EBF1: variants seen among roughly 807,000 people sequenced by gnomAD.
EBF1 encodes the protein transcription factor COE1.
Under a neutral mutation model 68.4 loss-of-function variants are expected in EBF1, and 10 were observed. That is an observed-to-expected ratio of 0.15 (90% CI 0.09 to 0.25). The LOEUF is 0.25. EBF1 is among the 10% of genes least tolerant of loss of function. The pLI, the probability that EBF1 is intolerant of heterozygous loss-of-function variation, is 1.00. For synonymous variants in EBF1, 298 were observed against 299.8 expected, an observed-to-expected ratio of 0.99 and a Z score of 0.06; for missense variants, 509 against 794.4, an observed-to-expected ratio of 0.64 and a Z score of 4.32.
At chr5:158,710,073 T>C (rs536292750) in intron 14 of EBF1, among the ~76,000 whole-genome samples, 166 of 152,324 alleles carry the variant, frequency 1.1e-3, no homozygotes, top group Non-Finnish European at 1.9e-3. Flanking sequence ...TTTTATTCCA[T>C]TGGAATTTTT....
chr5:159,068,330 A>G (rs559422675), intron 6 of EBF1, among the ~76,000 whole-genome samples: 1 of 152,236 alleles, frequency 6.6e-6, no homozygotes, highest in Non-Finnish European at 1.5e-5. Context: ...CTTGGCAAAT[A>G]CATACCACAC....
At chr5:158,752,387 A>C (rs893339775) in intron 10 of EBF1, among the ~76,000 whole-genome samples, 6 of 151,690 alleles carry the variant, frequency 4.0e-5, no homozygotes, top group African/African-American at 1.4e-4. Flanking sequence ...TCCATTTCTT[A>C]GGAAATCTAT....
At chr5:158,994,587 C>T (rs1027746621) in intron 6 of EBF1, among the ~76,000 whole-genome samples, 4 of 152,212 alleles carry the variant, frequency 2.6e-5, no homozygotes, top group South Asian at 4.1e-4. Context: ...TGGAACTCTA[C>T]GCCTAAGATT....
rs112182200 is a variant in EBF1 at position 158,993,812 on chromosome 5, A to C, written c.554+79584T>G. The stretch of plus-strand genomic sequence containing the variant: ...CCAGCAAAAGCAAAACCAAGGAACA[A>C]ACTTCATCTCAGATCATGGTCAGAC... On this transcript the variant is annotated intron_variant, in intron 6 of 15. Coordinates refer to ENST00000313708, the MANE Select transcript of EBF1 (RefSeq NM_024007.5). Among the ~76,000 whole-genome samples, 1,004 of 152,314 alleles carry C rather than the reference A, an allele frequency of 6.6e-3. 10 individuals are homozygous for C. The highest frequency in any genetic ancestry group is 0.018 in the South Asian group (87 of 4,824).
chr5:158,863,072 C>A (rs1470029256), intron 6 of EBF1, among the ~76,000 whole-genome samples: 1 of 152,184 alleles, frequency 6.6e-6, no homozygotes, highest in Non-Finnish European at 1.5e-5. Flanking sequence ...AAAACCCAGT[C>A]AGCTAAATCT....
intron 6 of EBF1, chr5:158,983,127 AT>A (rs1395807628): frequency 6.6e-6 from 1 of 152,150 alleles, no homozygotes; most frequent in African/African-American, 2.4e-5. Context: ...TTTCAATCAA[AT>A]TACTGTGATG....
chr5:158,905,329 C>T (rs528868780), intron 6 of EBF1, among the ~76,000 whole-genome samples: 5 of 152,060 alleles, frequency 3.3e-5, no homozygotes, highest in East Asian at 1.9e-4. Flanking sequence ...TTTTTTAAGC[C>T]GGAATTGAGG....
chr5:158,870,010 T>C (rs578199090), intron 6 of EBF1, among the ~76,000 whole-genome samples: 1 of 152,300 alleles, frequency 6.6e-6, no homozygotes, highest in East Asian at 1.9e-4. Flanking sequence ...AAGAGCAAGA[T>C]TTCATGCTCC....
intron 11 of EBF1, among the ~76,000 whole-genome samples, chr5:158,728,306 T>C (rs530584516): frequency 7.2e-5 from 11 of 152,322 alleles, no homozygotes; most frequent in African/African-American, 2.6e-4. Context: ...GAGTGTTTCC[T>C]TAACACACAA....
intron 6 of EBF1, among the ~76,000 whole-genome samples, chr5:159,024,296 G>A (rs1027293507): frequency 3.1e-4 from 47 of 152,248 alleles, no homozygotes; most frequent in African/African-American, 1.0e-3. Context: ...CATTACCTGC[G>A]TGACAGTTGA....
intron 6 of EBF1, among the ~76,000 whole-genome samples, chr5:159,059,544 C>T (rs1042080630): frequency 3.9e-5 from 6 of 152,172 alleles, no homozygotes; most frequent in African/African-American, 1.2e-4. Flanking sequence ...GAAATTATTC[C>T]AGTATGCATT....
At chr5:158,831,193 A>C (rs1269707287) in intron 7 of EBF1, among the ~76,000 whole-genome samples, 1 of 152,158 alleles carries the variant, frequency 6.6e-6, no homozygotes, top group East Asian at 1.9e-4. Flanking sequence ...GGAATGAGAC[A>C]AACAGGATTG....
intron 6 of EBF1, among the ~76,000 whole-genome samples, chr5:158,882,356 C>G (rs964888455): frequency 1.3e-5 from 2 of 152,166 alleles, no homozygotes; most frequent in Non-Finnish European, 2.9e-5. Context: ...GAATGTCATG[C>G]TCATTGTCAC....
intron 6 of EBF1, among the ~76,000 whole-genome samples, chr5:158,881,178 T>G (rs924029758): frequency 1.3e-5 from 2 of 152,146 alleles, no homozygotes; most frequent in Non-Finnish European, 2.9e-5. Flanking sequence ...CAGAGAAGTG[T>G]TGGGGGAAAG....
At chr5:158,973,936 C>G (rs968915134) in intron 6 of EBF1, among the ~76,000 whole-genome samples, 1 of 152,150 alleles carries the variant, frequency 6.6e-6, no homozygotes, top group Non-Finnish European at 1.5e-5. Flanking sequence ...CACCTTGTAC[C>G]CTGAGGAAAT....
intron 5 of EBF1, among the ~76,000 whole-genome samples, chr5:159,075,484 C>A (rs567847543): frequency 2.0e-5 from 3 of 152,324 alleles, no homozygotes; most frequent in Middle Eastern, 3.4e-3. Flanking sequence ...TGCCCACAGA[C>A]CTGCCTGGGA....
chr5:159,099,497 TG>T lies in EBF1; in HGVS notation c.-20del. 1 of 1,445,650 alleles carries T rather than the reference TG, an allele frequency of 6.9e-7. No individual in the cohort carries two copies. The highest frequency in any genetic ancestry group is 1.5e-5 in the South Asian group (1 of 67,824). The allele number at this position is 1,445,650 out of a possible 1,614,324, so 89.6% of individuals were successfully genotyped here. On this transcript the variant is annotated 5_prime_UTR_variant, in exon 1 of 16. Transcript: ENST00000313708. ...CAAACATGAAAACAACCTTTTCTTG[TG>T]GAAAATCTCCTCCCCCTTGAAAAAA...
At chr5:158,945,630 G>A (rs1814492717) in intron 6 of EBF1, among the ~76,000 whole-genome samples, 1 of 152,186 alleles carries the variant, frequency 6.6e-6, no homozygotes, top group African/African-American at 2.4e-5. Context: ...CAACCTTGGT[G>A]AATCTGACAA....
At chr5:158,783,289 A>G (rs1776771206) in intron 9 of EBF1, among the ~76,000 whole-genome samples, 1 of 152,174 alleles carries the variant, frequency 6.6e-6, no homozygotes, top group Non-Finnish European at 1.5e-5. Context: ...AAAAAGTAGA[A>G]TAACATCAGT....
Sources: allele counts gnomAD v4.1 joint callset (sites outside exome capture counted in the v4.1 genomes callset), GRCh38; gene constraint gnomAD v4.1.1; transcripts MANE v1.5; gene names NCBI Gene and HGNC (gene_info 2026-07-23, HGNC 2026-07-21).